Variants in NCKAP5 observed in about 807,000 individuals in gnomAD.
The protein encoded by NCKAP5 is NCK associated protein 5.
Under a neutral mutation model 167.0 loss-of-function variants are expected in NCKAP5, and 92 were observed. The ratio of observed to expected loss-of-function variants is 0.55; its 90% confidence interval spans 0.47 to 0.66. The LOEUF is 0.66. NCKAP5 is among the 30% of genes least tolerant of loss of function. NCKAP5 has a pLI of 0.00. For missense variants in NCKAP5, 2,378 were observed against 2,315.0 expected, an observed-to-expected ratio of 1.03 and a Z score of -0.56; for synonymous variants, 891 against 877.4, an observed-to-expected ratio of 1.02 and a Z score of -0.27.
chr2:132,909,153 C>T (rs62178890), intron 8 of NCKAP5, among the ~76,000 whole-genome samples: 76 of 152,298 alleles, frequency 5.0e-4, no homozygotes, highest in Non-Finnish European at 8.1e-4. Flanking sequence ...TCAAGACCAG[C>T]ATGGTCAACA....
chr2:132,960,316 T>C (rs765867856), intron 8 of NCKAP5, among the ~76,000 whole-genome samples: 3 of 151,878 alleles, frequency 2.0e-5, no homozygotes, highest in Non-Finnish European at 4.4e-5. Context: ...AAGACAGAAC[T>C]TGGCTGTGGG....
intron 19 of NCKAP5, among the ~76,000 whole-genome samples, chr2:132,721,992 T>A (rs1689972423): frequency 6.6e-6 from 1 of 152,214 alleles, no homozygotes; most frequent in South Asian, 2.1e-4. Flanking sequence ...GGAAATAGGA[T>A]GAGCAAAGTG....
the NCKAP5 span, among the ~76,000 whole-genome samples, chr2:133,617,333 C>A: frequency 7.2e-5 from 11 of 151,818 alleles, no homozygotes; most frequent in Admixed American, 2.0e-4. Flanking sequence ...AAATAAAAGG[C>A]ATTCAATTAG....
At chr2:133,514,542 A>G (rs1479088496) in intron 3 of NCKAP5, among the ~76,000 whole-genome samples, 1 of 152,194 alleles carries the variant, frequency 6.6e-6, no homozygotes, top group Non-Finnish European at 1.5e-5. Context: ...TGATTTGATT[A>G]TATAAAATAA....
chr2:133,310,572 CTG>C (rs1681161357), intron 3 of NCKAP5, among the ~76,000 whole-genome samples: 1 of 152,248 alleles, frequency 6.6e-6, no homozygotes, highest in Admixed American at 6.5e-5. Flanking sequence ...TTCCATCACT[CTG>C]AGGTCCAGCA....
intron 11 of NCKAP5, among the ~76,000 whole-genome samples, chr2:132,840,791 T>C (rs1177721739): frequency 6.6e-6 from 1 of 152,220 alleles, no homozygotes; most frequent in African/African-American, 2.4e-5. Flanking sequence ...TTTACCTTTT[T>C]ATAATAGGTT....
intron 6 of NCKAP5, among the ~76,000 whole-genome samples, chr2:133,005,081 C>A (rs1337901248): frequency 6.6e-6 from 1 of 152,154 alleles, no homozygotes; most frequent in Non-Finnish European, 1.5e-5. Flanking sequence ...TGTTCAAACA[C>A]ACGTTTTACA....
At chr2:133,506,702 C>G (rs1683042797) in intron 3 of NCKAP5, among the ~76,000 whole-genome samples, 1 of 152,198 alleles carries the variant, frequency 6.6e-6, no homozygotes, top group Non-Finnish European at 1.5e-5. Flanking sequence ...TTTCTAGCTG[C>G]AGGAGGCTCC....
intron 3 of NCKAP5, among the ~76,000 whole-genome samples, chr2:133,407,968 C>G (rs1688543233): frequency 6.6e-6 from 1 of 152,140 alleles, no homozygotes. Flanking sequence ...AAAAGGAACA[C>G]AAAGACAGGC....
chr2:133,549,559 C>T (rs1244398057), intron 2 of NCKAP5, among the ~76,000 whole-genome samples: 5 of 150,562 alleles, frequency 3.3e-5, no homozygotes, highest in East Asian at 1.9e-4. Context: ...AGAACAAAGA[C>T]ACAACATACC....
chr2:133,298,621 GT>G (rs1214002125), intron 4 of NCKAP5, among the ~76,000 whole-genome samples: 4 of 152,058 alleles, frequency 2.6e-5, no homozygotes, highest in African/African-American at 9.7e-5. Context: ...ATAATAATGC[GT>G]GTAAGATACA....
intron 3 of NCKAP5, among the ~76,000 whole-genome samples, chr2:133,311,127 C>T (rs1018180251): frequency 6.6e-6 from 1 of 152,130 alleles, no homozygotes; most frequent in Non-Finnish European, 1.5e-5. Context: ...ATAAGACTGC[C>T]CCGGCTTCAG....
At chr2:133,131,100 A>T (rs1454261605) in intron 5 of NCKAP5, among the ~76,000 whole-genome samples, 1 of 152,216 alleles carries the variant, frequency 6.6e-6, no homozygotes, top group Non-Finnish European at 1.5e-5. Flanking sequence ...CATGTGGCAT[A>T]TTCACAGGAA....
intron 4 of NCKAP5, among the ~76,000 whole-genome samples, chr2:133,271,250 C>T (rs1238539403): frequency 6.6e-6 from 1 of 151,902 alleles, no homozygotes; most frequent in Admixed American, 6.6e-5. Context: ...TCATTCTTTC[C>T]TTGCTTTGTG....
At position 132,728,873 on chromosome 2, in the gene NCKAP5, T is replaced by A. The variant is rs1244808173; in HGVS notation, c.5523A>T (p.Pro1841=). ...TCSSFGYAED[P]MASQPLPDWG... ...AGTCTGGAAGCGGCTGGCTTGCCAT[T>A]GGGTCTTCAGCATATCCGAATGATG... The change falls in exon 18 of 20, where the codon CCA becomes CCT. Residue 1841 remains proline (P), a synonymous_variant. Coordinates refer to ENST00000409261, the MANE Select transcript of NCKAP5 (RefSeq NM_207363.3). The A allele has an allele frequency of 1.2e-6, 2 of 1,613,996 alleles. No individual in the cohort carries two copies. The highest frequency in any genetic ancestry group is 1.7e-6 in the Non-Finnish European group (2 of 1,179,870).
chr2:133,199,282 C>T lies in NCKAP5; in HGVS notation c.207+14434G>A, dbSNP rs116513807. On this transcript the variant is annotated intron_variant, in intron 5 of 19. Coordinates refer to ENST00000409261, the MANE Select transcript of NCKAP5 (RefSeq NM_207363.3). ...TAGACTGCTTCTGTTCACCTAAAGA[C>T]GCCATTATTTAAAATAAATATGCAA... 9.6e-3 allele frequency among the ~76,000 whole-genome samples: 1,461 copies of T among 151,958 alleles called. 26 individuals carry two copies. Among genetic ancestry groups the T allele is most frequent in the African/African-American group, 0.034 (1,395 of 41,494 alleles).
chr2:132,827,509 T>G (rs1658323251), intron 11 of NCKAP5, among the ~76,000 whole-genome samples: 1 of 152,216 alleles, frequency 6.6e-6, no homozygotes, highest in Non-Finnish European at 1.5e-5. Context: ...ATATCCATCA[T>G]CTCAAACATT....
At chr2:132,959,319 C>T (rs1472805958) in intron 8 of NCKAP5, among the ~76,000 whole-genome samples, 1 of 151,978 alleles carries the variant, frequency 6.6e-6, no homozygotes, top group Admixed American at 6.6e-5. Flanking sequence ...TATTTTTCTG[C>T]ACAAAATAAA....
chr2:133,419,953 C>A (rs1689367100), intron 3 of NCKAP5, among the ~76,000 whole-genome samples: 1 of 152,198 alleles, frequency 6.6e-6, no homozygotes, highest in Non-Finnish European at 1.5e-5. Flanking sequence ...AGACTCTAAA[C>A]ATTGCTGAAG....
Sources: allele counts gnomAD v4.1 joint callset (sites outside exome capture counted in the v4.1 genomes callset), GRCh38; gene constraint gnomAD v4.1.1; transcripts MANE v1.5; gene names NCBI Gene and HGNC (gene_info 2026-07-23, HGNC 2026-07-21).